NCKAP5: variants seen among roughly 807,000 people sequenced by gnomAD.
The protein encoded by NCKAP5 is nck-associated protein 5.
A neutral mutation model predicts 167.0 loss-of-function variants in NCKAP5; 92 were observed. The observed-to-expected ratio is 0.55, with a 90% confidence interval of 0.47 to 0.66. NCKAP5 has a LOEUF of 0.66. Ranked by LOEUF, NCKAP5 falls within the 30% of genes least tolerant of loss-of-function variation. The pLI, the probability that NCKAP5 is intolerant of heterozygous loss-of-function variation, is 0.00. For missense variants in NCKAP5, 2,378 were observed against 2,315.0 expected (o/e 1.03, Z -0.56); for synonymous variants, 891 against 877.4 (o/e 1.02, Z -0.27).
chr2:133,519,887 T>C (rs1462842902), intron 2 of NCKAP5, among the ~76,000 whole-genome samples: 1 of 151,902 alleles, frequency 6.6e-6, no homozygotes, highest in Non-Finnish European at 1.5e-5. Flanking sequence ...CTCCAGCAGG[T>C]GGTGCCAAAG....
chr2:133,522,091 T>G (rs1209786977), intron 2 of NCKAP5, among the ~76,000 whole-genome samples: 2 of 152,172 alleles, frequency 1.3e-5, no homozygotes, highest in Non-Finnish European at 1.5e-5. Flanking sequence ...AATGTTGAAT[T>G]CTGCTAATGG....
chr2:132,682,607 C>A (rs1685375741), intron 19 of NCKAP5, among the ~76,000 whole-genome samples: 1 of 152,164 alleles, frequency 6.6e-6, no homozygotes, highest in African/African-American at 2.4e-5. Context: ...TTAGAATCAT[C>A]TACCCAGTCT....
At chr2:133,098,145 G>A (rs1246232095) in intron 6 of NCKAP5, among the ~76,000 whole-genome samples, 1 of 152,190 alleles carries the variant, frequency 6.6e-6, no homozygotes, top group Non-Finnish European at 1.5e-5. Context: ...AACCGAAAGT[G>A]CCTTCTGAAA....
At chr2:132,808,545 C>A (rs900923173) in intron 11 of NCKAP5, among the ~76,000 whole-genome samples, 1 of 151,986 alleles carries the variant, frequency 6.6e-6, no homozygotes, top group Non-Finnish European at 1.5e-5. Context: ...AGTTTATGTG[C>A]GTAAATGTGT....
At chr2:132,781,812 C>T in intron 14 of NCKAP5, 128 bp downstream of exon 14, 4 of 787,972 alleles carry the variant, frequency 5.1e-6, no homozygotes, top group African/African-American at 1.7e-5. Context: ...TAAAAGACTG[C>T]TACTATTCAT....
At chr2:133,030,006 C>T (rs1302876019) in intron 6 of NCKAP5, among the ~76,000 whole-genome samples, 1 of 152,190 alleles carries the variant, frequency 6.6e-6, no homozygotes. Context: ...AGTTACTACG[C>T]AGCTGTCAGT....
chr2:133,399,032 C>T (rs980038770), intron 3 of NCKAP5, among the ~76,000 whole-genome samples: 5 of 152,144 alleles, frequency 3.3e-5, no homozygotes, highest in Admixed American at 6.6e-5. Context: ...AAAGGAGGAA[C>T]CTTGTAGAAA....
At chr2:132,726,510 T>A (rs779220371) in intron 18 of NCKAP5, among the ~76,000 whole-genome samples, 1 of 152,200 alleles carries the variant, frequency 6.6e-6, no homozygotes, top group Non-Finnish European at 1.5e-5. Flanking sequence ...GCAACTCCTA[T>A]GTGTTGAATC....
intron 16 of NCKAP5, among the ~76,000 whole-genome samples, chr2:132,738,266 G>A (rs1050860966): frequency 6.6e-6 from 1 of 152,156 alleles, no homozygotes; most frequent in African/African-American, 2.4e-5. Flanking sequence ...GGACAAGAAT[G>A]GATGACCAAG....
At chr2:132,849,012 G>T (rs753286416) in intron 11 of NCKAP5, among the ~76,000 whole-genome samples, 1 of 152,192 alleles carries the variant, frequency 6.6e-6, no homozygotes. Flanking sequence ...AGTGTCCGAT[G>T]CAATGTGAAT....
At chr2:133,439,690 A>G (rs6737994) in intron 3 of NCKAP5, among the ~76,000 whole-genome samples, 15,185 of 152,150 alleles carry the variant, frequency 0.1, 1,430 homozygotes, top group East Asian at 0.27. Flanking sequence ...CAAATACACC[A>G]TGATCCTTGT....
At chr2:132,937,777 T>C (rs1300879705) in intron 8 of NCKAP5, among the ~76,000 whole-genome samples, 1 of 152,214 alleles carries the variant, frequency 6.6e-6, no homozygotes, top group East Asian at 1.9e-4. Context: ...GAATGTAAAC[T>C]ATTGGGCTTC....
chr2:133,097,016 A>G (rs1260334531), intron 6 of NCKAP5, among the ~76,000 whole-genome samples: 1 of 152,214 alleles, frequency 6.6e-6, no homozygotes, highest in Non-Finnish European at 1.5e-5. Context: ...CTGCAGTAAT[A>G]CAAATCTAGC....
At chr2:133,152,242 C>T (rs947542198) in intron 5 of NCKAP5, among the ~76,000 whole-genome samples, 2 of 152,130 alleles carry the variant, frequency 1.3e-5, no homozygotes, top group East Asian at 1.9e-4. Context: ...CAGACAATCT[C>T]GACAAAGTTA....
chr2:133,409,177 C>T (rs112664287), intron 3 of NCKAP5, among the ~76,000 whole-genome samples: 1 of 151,810 alleles, frequency 6.6e-6, no homozygotes, highest in Non-Finnish European at 1.5e-5. Flanking sequence ...ATAATGAAAG[C>T]AATCCTCAGA....
At chr2:133,605,753 A>G in the NCKAP5 span, among the ~76,000 whole-genome samples, 2 of 152,160 alleles carry the variant, frequency 1.3e-5, no homozygotes, top group African/African-American at 2.4e-5. Flanking sequence ...TTATTCCTTG[A>G]AAAAACCCTA....
chr2:133,482,033 C>G (rs1403538989), intron 3 of NCKAP5, among the ~76,000 whole-genome samples: 2 of 152,122 alleles, frequency 1.3e-5, no homozygotes, highest in African/African-American at 2.4e-5. Flanking sequence ...CTCTTTACCT[C>G]CTTATGTTCA....
intron 4 of NCKAP5, among the ~76,000 whole-genome samples, chr2:133,223,863 T>C (rs1400527217): frequency 6.6e-6 from 1 of 152,168 alleles, no homozygotes; most frequent in African/African-American, 2.4e-5. Flanking sequence ...CACAAGACTT[T>C]AATAAATTGC....
intron 3 of NCKAP5, among the ~76,000 whole-genome samples, chr2:133,368,091 A>G (rs147464821): frequency 1.3e-5 from 2 of 152,334 alleles, no homozygotes; most frequent in East Asian, 3.9e-4. Flanking sequence ...CATCAGAGAA[A>G]ACAAATTAGA....
Sources: allele counts gnomAD v4.1 joint callset (sites outside exome capture counted in the v4.1 genomes callset), GRCh38; gene constraint gnomAD v4.1.1; transcripts MANE v1.5; gene names NCBI Gene and HGNC (gene_info 2026-07-23, HGNC 2026-07-21).